IMPG1: variants seen among roughly 807,000 people sequenced by gnomAD.
IMPG1 encodes interphotoreceptor matrix proteoglycan of 150 kDa.
Under a neutral mutation model 92.0 loss-of-function variants are expected in IMPG1, and 85 were observed. That is an observed-to-expected ratio of 0.92 (90% confidence interval 0.78 to 1.11). The LOEUF (loss-of-function observed/expected upper bound fraction) is 1.11, where lower values mean the gene tolerates loss of function less well. IMPG1 is among the 50% of genes least tolerant of loss of function. The pLI is 0.00. For missense variants in IMPG1, 1,022 were observed against 956.0 expected, an observed-to-expected ratio of 1.07 and a Z score of -0.91; for synonymous variants, 367 against 334.1, an observed-to-expected ratio of 1.10 and a Z score of -1.08.
At chr6:76,014,457 T>G (rs1021570875) in intron 7 of IMPG1, among the ~76,000 whole-genome samples, 2 of 151,900 alleles carry the variant, frequency 1.3e-5, no homozygotes, top group Admixed American at 1.3e-4. Flanking sequence ...ATCTAGGAGG[T>G]TGGGTTCTGC....
chr6:75,993,425 G>A (rs1203646700), intron 12 of IMPG1, among the ~76,000 whole-genome samples: 1 of 151,924 alleles, frequency 6.6e-6, no homozygotes, highest in Non-Finnish European at 1.5e-5. Context: ...TAGTTTGTAG[G>A]CAGCTGTCCT....
At chr6:76,024,613 G>A (rs191741221) in intron 5 of IMPG1, among the ~76,000 whole-genome samples, 2 of 152,054 alleles carry the variant, frequency 1.3e-5, no homozygotes, top group African/African-American at 4.8e-5. Context: ...AAAAAAATTT[G>A]GCAAAATTTA....
At position 75,922,077 on chromosome 6, in the gene IMPG1, C is replaced by T; in HGVS notation, c.*12G>A. On this transcript the variant is annotated 3_prime_UTR_variant, in exon 17 of 17. Transcript: ENST00000369950. ...TGAGATAGCCTAAATGATAATTGTACATTTTCAGTTTTTAATTTCCTTCCC... is the reference window on the plus strand; with the variant it reads ...TGAGATAGCCTAAATGATAATTGTATATTTTCAGTTTTTAATTTCCTTCCC... 1 of 1,143,918 alleles carries T rather than the reference C, an allele frequency of 8.7e-7. No individual in the cohort carries two copies. Among genetic ancestry groups the T allele is most frequent in the African/African-American group, 1.5e-5 (1 of 65,980 alleles). The allele number at this position is 1,143,918 out of a possible 1,614,324, so 70.9% of individuals were successfully genotyped here. A position where few individuals can be genotyped will look rare whatever the true frequency, so the allele number is the denominator to read the frequency against.
intron 13 of IMPG1, among the ~76,000 whole-genome samples, chr6:75,949,399 T>C (rs1781986890): frequency 6.6e-6 from 1 of 152,140 alleles, no homozygotes; most frequent in Non-Finnish European, 1.5e-5. Context: ...AGTTTACAAA[T>C]GCCATGGCAA....
chr6:75,998,674 G>C (rs1399124190), intron 12 of IMPG1, among the ~76,000 whole-genome samples: 1 of 152,150 alleles, frequency 6.6e-6, no homozygotes, highest in Non-Finnish European at 1.5e-5. Flanking sequence ...TCTCCTGATA[G>C]ACCAGATGAT....
intron 12 of IMPG1, among the ~76,000 whole-genome samples, chr6:75,993,253 G>A (rs776228472): frequency 3.9e-5 from 6 of 152,122 alleles, no homozygotes; most frequent in Non-Finnish European, 5.9e-5. Flanking sequence ...ATGTAACGGG[G>A]CATTGGTATT....
At chr6:75,958,648 C>G (rs1020233949) in intron 12 of IMPG1, among the ~76,000 whole-genome samples, 1 of 152,014 alleles carries the variant, frequency 6.6e-6, no homozygotes, top group Non-Finnish European at 1.5e-5. Flanking sequence ...CTCTGACATC[C>G]TTTCTTCCGC....
chr6:75,994,491 A>G (rs1180657845), intron 12 of IMPG1, among the ~76,000 whole-genome samples: 1 of 152,220 alleles, frequency 6.6e-6, no homozygotes, highest in Non-Finnish European at 1.5e-5. Flanking sequence ...GACATATCTG[A>G]GGCTGGGTAA....
chr6:76,006,623 T>A (rs1309746420), intron 9 of IMPG1, among the ~76,000 whole-genome samples: 4 of 151,650 alleles, frequency 2.6e-5, no homozygotes, highest in Non-Finnish European at 4.4e-5. Context: ...TCTACTTTTT[T>A]AAAATAAGTA....
In IMPG1 at chr6:76,034,725, C is replaced by T. The variant is rs774935829; in HGVS notation, c.364G>A (p.Glu122Lys). Residue 122 changes from glutamate to lysine, a missense_variant, in exon 3 of 17, where the codon GAA becomes AAA. Around this residue, in one of 3 missense-constraint regions of IMPG1, gnomAD observed 681 missense variants for 583.6 expected, o/e 1.17. Transcript: ENST00000369950. Reference sequence around the variant, plus strand: ...CAGATGCTGACCCAGTCCTGATATTCCCCTGTGTCAGGGATGCGATCCAGA... The same window carrying T: ...CAGATGCTGACCCAGTCCTGATATTTCCCTGTGTCAGGGATGCGATCCAGA... ...IFLDRIPDTGEYQDWVSICQQ... is the reference protein window; with the variant it reads ...IFLDRIPDTGKYQDWVSICQQ... 3 of 1,613,910 alleles carry T rather than the reference C, an allele frequency of 1.9e-6. No homozygotes were observed. The South Asian group carries it at 3.3e-5, about 18-fold the overall frequency.
At chr6:76,032,289 C>T (rs1225164301) in intron 4 of IMPG1, among the ~76,000 whole-genome samples, 1 of 107,438 alleles carries the variant, frequency 9.3e-6, no homozygotes, top group Admixed American at 1.1e-4. Flanking sequence ...TATGGATGGA[C>T]CCTGCGTTGC....
At chr6:76,004,935 G>A (rs1357848950) in intron 10 of IMPG1, among the ~76,000 whole-genome samples, 2 of 152,072 alleles carry the variant, frequency 1.3e-5, no homozygotes, top group East Asian at 1.9e-4. Flanking sequence ...TCTGTTTCTC[G>A]CTGAGACCTG....
intron 14 of IMPG1, chr6:75,935,141 C>A: frequency 2.4e-6 from 1 of 414,638 alleles, no homozygotes; most frequent in Non-Finnish European, 5.1e-6. Context: ...TCGGGAATGA[C>A]ATTTTAAGCA....
At chr6:76,070,478 G>C (rs757838643) in intron 1 of IMPG1, among the ~76,000 whole-genome samples, 2 of 151,862 alleles carry the variant, frequency 1.3e-5, no homozygotes, top group Non-Finnish European at 2.9e-5. Flanking sequence ...TCTACCCAAA[G>C]GAAAATAAAT....
intron 12 of IMPG1, among the ~76,000 whole-genome samples, chr6:76,002,475 A>G (rs1014795315): frequency 1.3e-5 from 2 of 152,346 alleles, no homozygotes; most frequent in Non-Finnish European, 2.9e-5. Context: ...ATCCATAGTC[A>G]GCATGTAAAA....
At chr6:76,057,852 A>G (rs74462755) in intron 1 of IMPG1, among the ~76,000 whole-genome samples, 2,030 of 152,280 alleles carry the variant, frequency 0.013, 20 homozygotes, top group Non-Finnish European at 0.021. Flanking sequence ...ACATTGTGTC[A>G]TCTTTCCAAG....
At chr6:75,980,238 T>C (rs1405481126) in intron 12 of IMPG1, among the ~76,000 whole-genome samples, 1 of 152,206 alleles carries the variant, frequency 6.6e-6, no homozygotes, top group Non-Finnish European at 1.5e-5. Context: ...TCCATCCTGA[T>C]TTACTGTAAA....
intron 1 of IMPG1, among the ~76,000 whole-genome samples, chr6:76,050,357 C>A (rs149936544): frequency 2.0e-5 from 3 of 152,072 alleles, no homozygotes; most frequent in Non-Finnish European, 4.4e-5. Context: ...GCATGAGAAT[C>A]GCTTGAACCT....
In IMPG1 at chr6:75,931,011, G is replaced by A. The variant is rs779962148; in HGVS notation, c.2185C>T (p.Leu729Phe). 8.1e-6 allele frequency: 13 copies of A among 1,614,220 alleles called. No homozygotes were observed. Among genetic ancestry groups the A allele is most frequent in the Non-Finnish European group, 2.5e-6 (3 of 1,180,022 alleles). ...QGSLDGLEPGLCGPGTKECEV... is the reference protein window; with the variant it reads ...QGSLDGLEPGFCGPGTKECEV... Reference sequence around the variant, plus strand: ...CATTCCTTTGTGCCAGGGCCACAGAGGCCTGGTTCCAGACCGTCCAGGCTC... The same window carrying A: ...CATTCCTTTGTGCCAGGGCCACAGAAGCCTGGTTCCAGACCGTCCAGGCTC... The change falls in exon 15 of 17, where the codon CTC (leucine) becomes TTC (phenylalanine). Residue 729 changes from leucine to phenylalanine, a missense_variant. Physicochemically the swap from Leu to Phe is conservative, Grantham distance 22. Around this residue, in one of 3 missense-constraint regions of IMPG1, gnomAD observed 332 missense variants for 346.2 expected, o/e 0.96. Coordinates refer to ENST00000369950, the MANE Select transcript of IMPG1 (RefSeq NM_001563.4).
Sources: allele counts gnomAD v4.1 joint callset (sites outside exome capture counted in the v4.1 genomes callset), GRCh38; gene constraint gnomAD v4.1.1; regional missense constraint gnomAD v4.1.1; transcripts MANE v1.5; gene names NCBI Gene and HGNC (gene_info 2026-07-23, HGNC 2026-07-21).